Variants in CHN1 observed in about 807,000 individuals in gnomAD.
CHN1 encodes chimerin 1, also known as N-chimaerin.
Under a neutral mutation model 59.5 loss-of-function variants are expected in CHN1, and 37 were observed. The ratio of observed to expected loss-of-function variants is 0.62; its 90% confidence interval spans 0.48 to 0.82. The LOEUF (loss-of-function observed/expected upper bound fraction) is 0.82, where lower values mean the gene tolerates loss of function less well. Ranked by LOEUF, CHN1 falls within the 40% of genes least tolerant of loss-of-function variation. The probability of loss-of-function intolerance (pLI) is 0.00; values close to 1 mark genes in which losing one functional copy is unlikely to be tolerated. For synonymous variants in CHN1, 206 were observed against 200.4 expected (o/e 1.03, Z -0.24); for missense variants, 469 against 571.0 (o/e 0.82, Z 1.82).
At chr2:174,989,810 T>G (rs1216275872) in intron 1 of CHN1, among the ~76,000 whole-genome samples, 1 of 151,810 alleles carries the variant, frequency 6.6e-6, no homozygotes, top group East Asian at 1.9e-4. Context: ...AAAAGTTGCA[T>G]GTTTATCTTA....
chr2:174,961,115 C>T (rs187551224), intron 1 of CHN1, among the ~76,000 whole-genome samples: 961 of 78,436 alleles, frequency 0.012, 29 homozygotes, highest in East Asian at 0.016. Context: ...GTGACACTGA[C>T]GGAGGGAAGG....
At chr2:174,919,237 A>C (rs1688935259) in intron 3 of CHN1, among the ~76,000 whole-genome samples, 1 of 152,230 alleles carries the variant, frequency 6.6e-6, no homozygotes, top group Admixed American at 6.5e-5. Flanking sequence ...GACAATAAAG[A>C]AGCTTTAAAA....
At chr2:174,913,422 A>G (rs1256275890) in intron 5 of CHN1, among the ~76,000 whole-genome samples, 1 of 152,168 alleles carries the variant, frequency 6.6e-6, no homozygotes, top group Non-Finnish European at 1.5e-5. Context: ...ATATGTTAGG[A>G]GTAGAAAGAT....
intron 8 of CHN1, among the ~76,000 whole-genome samples, chr2:174,823,159 AATG>A (rs1377900050): frequency 1.3e-5 from 2 of 152,192 alleles, no homozygotes; most frequent in Non-Finnish European, 1.5e-5. Flanking sequence ...CCACAAAAGA[AATG>A]ATGTTTATAG....
Position 174,819,432 on chromosome 2 carries a change from A to T in CHN1, c.712+5002T>A, listed in dbSNP as rs149104439. ...AACCAACATTAAACTGATATGTCTGATTTGAAATAATTATCCTTCTTAATT... is the reference window on the plus strand; with the variant it reads ...AACCAACATTAAACTGATATGTCTGTTTTGAAATAATTATCCTTCTTAATT... On this transcript the variant is annotated intron_variant, in intron 8 of 12. Transcript: ENST00000409900. Among the ~76,000 whole-genome samples, 1,047 of 152,328 alleles carry T rather than the reference A, an allele frequency of 6.9e-3. 9 individuals are homozygous for T. The highest frequency in any genetic ancestry group is 0.044 in the Middle Eastern group (13 of 294).
chr2:174,971,251 G>A (rs989463481), intron 1 of CHN1, among the ~76,000 whole-genome samples: 10 of 152,220 alleles, frequency 6.6e-5, no homozygotes, highest in Admixed American at 4.6e-4. Flanking sequence ...CCGGGAGGCG[G>A]AGCTTGCAGT....
At chr2:174,805,761 T>C (rs539034569) in intron 11 of CHN1, among the ~76,000 whole-genome samples, 6 of 152,314 alleles carry the variant, frequency 3.9e-5, no homozygotes, top group African/African-American at 1.2e-4. Flanking sequence ...ACAGAGAAAC[T>C]TGAATACAAG....
rs141163937 is a variant in CHN1, at chr2:174,951,510, C to T, written c.58+654G>A. 3.5e-4 allele frequency among the ~76,000 whole-genome samples: 53 copies of T among 152,264 alleles called. 1 individual carries two copies. The highest frequency in any genetic ancestry group is 1.2e-3 in the African/African-American group (50 of 41,574). ...CTTATAGTGCTTTTCCATAATAATGCATTCATAAATTTTAAAAAACCATTT... is the reference window on the plus strand; with the variant it reads ...CTTATAGTGCTTTTCCATAATAATGTATTCATAAATTTTAAAAAACCATTT... On this transcript the variant is annotated intron_variant, in intron 2 of 12. Transcript: ENST00000409900.
Position 174,824,495 on chromosome 2 carries a change from G to C in CHN1, c.651C>G (p.His217Gln). The change falls in exon 8 of 13, where the codon CAC (histidine) becomes CAG (glutamine). Residue 217 changes from histidine to glutamine, a missense_variant. Coordinates refer to ENST00000409900, the MANE Select transcript of CHN1 (RefSeq NM_001822.7). ...TAAAGTTGGCACAGTATTCACACCAGTGTGGCCCTCTGAATGTATGCACCT... is the reference window on the plus strand; with the variant it reads ...TAAAGTTGGCACAGTATTCACACCACTGTGGCCCTCTGAATGTATGCACCT... ...NFKVHTFRGP[H>Q]WCEYCANFMW... 6.2e-7 allele frequency: 1 copy of C among 1,603,496 alleles called. No homozygotes were observed. Among genetic ancestry groups the C allele is most frequent in the Non-Finnish European group, 8.5e-7 (1 of 1,175,402 alleles).
chr2:174,875,110 G>A (rs1386971977), intron 6 of CHN1, among the ~76,000 whole-genome samples: 1 of 152,052 alleles, frequency 6.6e-6, no homozygotes, highest in African/African-American at 2.4e-5. Context: ...CTGACCTCAG[G>A]TGATCCGCCC....
chr2:174,902,610 C>T (rs1688421699), intron 5 of CHN1, among the ~76,000 whole-genome samples: 1 of 152,106 alleles, frequency 6.6e-6, no homozygotes, highest in Non-Finnish European at 1.5e-5. Flanking sequence ...TTATTTTTCA[C>T]TTATTCCAAA....
chr2:174,816,441 G>C (rs116661031), intron 8 of CHN1, among the ~76,000 whole-genome samples: 1 of 152,188 alleles, frequency 6.6e-6, no homozygotes, highest in Non-Finnish European at 1.5e-5. Flanking sequence ...TGTTTACCTA[G>C]AGAATGGAAG....
chr2:174,864,231 A>G (rs1210981979), intron 6 of CHN1, among the ~76,000 whole-genome samples: 3 of 152,144 alleles, frequency 2.0e-5, no homozygotes, highest in African/African-American at 4.8e-5. Flanking sequence ...CACTTCAACT[A>G]TCTTAAAAAT....
At chr2:174,879,167 T>C (rs1015049476) in intron 5 of CHN1, among the ~76,000 whole-genome samples, 2 of 152,180 alleles carry the variant, frequency 1.3e-5, no homozygotes, top group Non-Finnish European at 2.9e-5. Flanking sequence ...AATACTAAAA[T>C]AAACGCTGTT....
rs1441013285 is a variant in CHN1 at position 174,918,569 on chromosome 2, T to C, written c.115-4A>G. The C allele has an allele frequency of 1.3e-6, 2 of 1,590,076 alleles. No homozygotes were observed. Among genetic ancestry groups the C allele is most frequent in the Admixed American group, 1.8e-5 (1 of 56,810 alleles). The stretch of plus-strand genomic sequence containing the variant: ...AATACTTTGGTCTGTTTTCCACCTA[T>C]TGGGAAAGCAAAAAAACAGGCATAT... On this transcript the variant is annotated splice_region_variant and splice_polypyrimidine_tract_variant and intron_variant, in intron 3 of 12. Coordinates refer to ENST00000409900, the MANE Select transcript of CHN1 (RefSeq NM_001822.7).
intron 5 of CHN1, among the ~76,000 whole-genome samples, chr2:174,902,749 C>T (rs550412879): frequency 1.3e-5 from 2 of 152,296 alleles, no homozygotes; most frequent in African/African-American, 4.8e-5. Context: ...CATAATCCTT[C>T]CCCAGTTCCT....
chr2:174,945,189 G>T (rs1055787778), intron 2 of CHN1: 20 of 496,812 alleles, frequency 4.0e-5, no homozygotes, highest in Admixed American at 2.6e-4. Context: ...AGTCAGTGCT[G>T]GATATTTGGC....
At chr2:174,910,355 C>A (rs1688660525) in intron 5 of CHN1, among the ~76,000 whole-genome samples, 1 of 151,926 alleles carries the variant, frequency 6.6e-6, no homozygotes, top group South Asian at 2.1e-4. Flanking sequence ...TAACTTTAGT[C>A]TTATGCCATA....
At chr2:174,996,384 G>T (rs920898498) in intron 1 of CHN1, among the ~76,000 whole-genome samples, 1 of 152,138 alleles carries the variant, frequency 6.6e-6, no homozygotes, top group African/African-American at 2.4e-5. Context: ...TGGAGAAATT[G>T]TTCTGGTATC....
Sources: gnomAD v4.1 joint callset for allele counts (sites outside exome capture counted in the v4.1 genomes callset) on GRCh38, gnomAD v4.1.1 for gene constraint, MANE v1.5 for transcripts, NCBI Gene and HGNC (gene_info 2026-07-23, HGNC 2026-07-21) for gene names.